The following SLC35A3 variants were observed in gnomAD, a reference collection of about 807,000 sequenced individuals.
SLC35A3 encodes solute carrier family 35 member A3.
A neutral mutation model predicts 39.0 loss-of-function variants in SLC35A3; 26 were observed. That is an observed-to-expected ratio of 0.67 (90% CI 0.49 to 0.92). The LOEUF is 0.92. Ranked by LOEUF, SLC35A3 falls within the 40% of genes least tolerant of loss-of-function variation. SLC35A3 has a pLI of 0.00. For synonymous variants in SLC35A3, 135 were observed against 133.1 expected (o/e 1.01, Z -0.10); for missense variants, 299 against 371.6 (o/e 0.80, Z 1.61).
At chr1:100,015,240 G>GA in intron 5 of SLC35A3, 62 bp from the exon 6 acceptor site, 2 of 1,371,538 alleles carry the variant, frequency 1.5e-6, no homozygotes, top group Non-Finnish European at 9.6e-7. Flanking sequence ...AATGTCAGTG[G>GA]AAAAAATATA....
At chr1:99,993,768 A>T (rs768613933) in intron 2 of SLC35A3, 27 bp downstream of exon 2, 16 of 1,592,920 alleles carry the variant, frequency 1.0e-5, no homozygotes, top group Non-Finnish European at 1.4e-5. Context: ...TTTGTTTTTA[A>T]TCAATGCAAT....
rs75351042 is a variant in SLC35A3, at chr1:100,010,119, TA to T, written c.466-1243del. ...ACATTTCACGTGCTCAATAGCCACTTAAATATAGCGATGACCCTATTGAGGG... is the reference window on the plus strand; with the variant it reads ...ACATTTCACGTGCTCAATAGCCACTTAATATAGCGATGACCCTATTGAGGG... On this transcript the variant is annotated intron_variant, in intron 4 of 7. Coordinates refer to ENST00000533028, the MANE Select transcript of SLC35A3 (RefSeq NM_012243.3). Among the ~76,000 whole-genome samples, 715 of 152,274 alleles carry T rather than the reference TA, an allele frequency of 4.7e-3. 29 individuals carry two copies. In the East Asian group the frequency reaches 0.11, roughly 23 times the overall value.
chr1:99,972,850 T>C (rs1656899500), intron 1 of SLC35A3, among the ~76,000 whole-genome samples: 1 of 152,242 alleles, frequency 6.6e-6, no homozygotes, highest in Admixed American at 6.5e-5. Flanking sequence ...TTGATCCTAG[T>C]AATAAATCGT....
At chr1:100,016,485 TGCCTCA>T in intron 6 of SLC35A3, among the ~76,000 whole-genome samples, 1 of 151,740 alleles carries the variant, frequency 6.6e-6, no homozygotes, top group East Asian at 1.9e-4. Context: ...GCCATTCTCC[TGCCTCA>T]GCCTCCCAAG....
chr1:99,983,863 C>T (rs1396535465), intron 1 of SLC35A3, among the ~76,000 whole-genome samples: 3 of 152,120 alleles, frequency 2.0e-5, no homozygotes, highest in African/African-American at 4.8e-5. Flanking sequence ...CTGCGTGATC[C>T]GCCGGCCTTG....
chr1:99,970,431 G>A, intron 1 of SLC35A3: 1 of 710,182 alleles, frequency 1.4e-6, no homozygotes, highest in Non-Finnish European at 2.4e-6. Context: ...GGAGAGGGGT[G>A]TGTCAAGCGA....
At chr1:100,016,366 GA>G (rs1235302935) in intron 6 of SLC35A3, among the ~76,000 whole-genome samples, 1 of 146,390 alleles carries the variant, frequency 6.8e-6, no homozygotes, top group African/African-American at 2.6e-5. Flanking sequence ...GCCCGGCCCG[GA>G]TACTTCTATT....
chr1:100,009,597 G>C (rs1296915289), intron 4 of SLC35A3: 1 of 152,320 alleles, frequency 6.6e-6, no homozygotes, highest in Non-Finnish European at 1.5e-5. Flanking sequence ...GATTGGTGGG[G>C]AGAAATACTG....
In SLC35A3 at chr1:100,011,445, A is replaced by G. The variant is rs745812553; in HGVS notation, c.546A>G (p.Ala182=). 11 of 1,583,966 alleles carry G rather than the reference A, an allele frequency of 6.9e-6. No homozygotes were observed. The highest frequency in any genetic ancestry group is 3.4e-5 in the Admixed American group (2 of 58,542). ...TAGGACTCATGGCAGTTCTCACAGCATGTTTTTCAAGTGGCTTTGCTGGGG... is the reference window on the plus strand; with the variant it reads ...TAGGACTCATGGCAGTTCTCACAGCGTGTTTTTCAAGTGGCTTTGCTGGGG... ...QFVGLMAVLT[A]CFSSGFAGVY... is the part of the protein sequence containing the mutation. Residue 182 remains alanine, a synonymous_variant, in exon 5 of 8, where the codon GCA becomes GCG. Coordinates refer to ENST00000533028, the MANE Select transcript of SLC35A3 (RefSeq NM_012243.3).
intron 4 of SLC35A3, chr1:100,008,109 G>T (rs544908272): frequency 6.6e-6 from 1 of 151,828 alleles, no homozygotes; most frequent in Non-Finnish European, 1.5e-5. Context: ...CTGCCACCAT[G>T]CCCGGCTAAT....
At chr1:99,989,231 T>A (rs2101103265) in intron 1 of SLC35A3, among the ~76,000 whole-genome samples, 1 of 152,342 alleles carries the variant, frequency 6.6e-6, no homozygotes, top group Middle Eastern at 3.4e-3. Context: ...CCTTTTCCTA[T>A]GCCTATTAGT....
intron 1 of SLC35A3, among the ~76,000 whole-genome samples, chr1:99,987,058 C>T (rs1657784741): frequency 6.6e-6 from 1 of 152,196 alleles, no homozygotes; most frequent in Non-Finnish European, 1.5e-5. Flanking sequence ...AACTTACTCT[C>T]CTTCCATATA....
rs1442994650 is a variant in SLC35A3 at position 99,970,681 on chromosome 1, G to C, written c.-19+519G>C. On this transcript the variant is annotated intron_variant, in intron 1 of 7. Transcript: ENST00000533028. ...AAGAACACAAGGACTGTTTGAAGTG[G>C]GGTGAGATTCTCATCAGAACAGGTG... is the stretch of plus-strand genomic sequence containing the variant. The C allele has an allele frequency of 5.6e-6, 8 of 1,438,998 alleles. No homozygotes were observed. In the East Asian group the frequency reaches 2.0e-4, roughly 36 times the overall value. 89.1% of individuals were successfully genotyped at this position (1,438,998 alleles called of 1,614,324 possible).
intron 1 of SLC35A3, among the ~76,000 whole-genome samples, chr1:99,984,883 C>A (rs1011034113): frequency 6.6e-6 from 1 of 152,016 alleles, no homozygotes; most frequent in African/African-American, 2.4e-5. Context: ...TGTATATCTT[C>A]TTTTGAGAAT....
chr1:99,999,251 T>C lies in SLC35A3; in HGVS notation c.188-10T>C, dbSNP rs1184385628. On this transcript the variant is annotated splice_polypyrimidine_tract_variant and intron_variant, in intron 2 of 7. Coordinates refer to ENST00000533028, the MANE Select transcript of SLC35A3 (RefSeq NM_012243.3). ...ACTTAATTACTGATTTTTCTCATAT[T>C]ATTTTCTAGAATGTAGTCTAAGAGC... 14 of 1,485,070 alleles carry C rather than the reference T, an allele frequency of 9.4e-6. No individual in the cohort carries two copies. The highest frequency in any genetic ancestry group is 1.4e-5 in the African/African-American group (1 of 70,032). The allele number at this position is 1,485,070 out of a possible 1,614,324, so 92.0% of individuals were successfully genotyped here. A position where few individuals can be genotyped will look rare whatever the true frequency, so the allele number is the denominator to read the frequency against.
chr1:99,983,759 G>A (rs1428408588), intron 1 of SLC35A3, among the ~76,000 whole-genome samples: 2 of 151,434 alleles, frequency 1.3e-5, no homozygotes, highest in Non-Finnish European at 2.9e-5. Context: ...CTGAGTAGCT[G>A]GGATTACAGG....
intron 1 of SLC35A3, among the ~76,000 whole-genome samples, chr1:99,977,385 T>A (rs989642316): frequency 4.8e-5 from 6 of 123,888 alleles, no homozygotes; most frequent in African/African-American, 1.4e-4. Context: ...AAAAAAAAAA[T>A]TAGCTGGGCG....
intron 1 of SLC35A3, among the ~76,000 whole-genome samples, chr1:99,977,961 A>C (rs1657219814): frequency 6.6e-6 from 1 of 152,196 alleles, no homozygotes; most frequent in East Asian, 1.9e-4. Context: ...CTGCATATAG[A>C]TACGTTTCAG....
At chr1:99,984,589 C>G (rs538941852) in intron 1 of SLC35A3, among the ~76,000 whole-genome samples, 196 of 152,280 alleles carry the variant, frequency 1.3e-3, no homozygotes, top group African/African-American at 4.4e-3. Flanking sequence ...TTTCCTCTGT[C>G]TAGATACCTA....
Sources: allele counts gnomAD v4.1 joint callset (sites outside exome capture counted in the v4.1 genomes callset), GRCh38; gene constraint gnomAD v4.1.1; transcripts MANE v1.5; gene names NCBI Gene and HGNC (gene_info 2026-07-23, HGNC 2026-07-21).